The following MDGA2 variants were observed in gnomAD, a reference collection of about 807,000 sequenced individuals.
MDGA2 encodes MAM domain containing glycosylphosphatidylinositol anchor 2.
Under a neutral mutation model 117.8 loss-of-function variants are expected in MDGA2, and 40 were observed. That is an observed-to-expected ratio of 0.34 (90% CI 0.26 to 0.44). The LOEUF is 0.44. MDGA2 is among the 20% of genes least tolerant of loss of function. The pLI is 1.00. For missense variants in MDGA2, 1,123 were observed against 1,250.6 expected, an observed-to-expected ratio of 0.90 and a Z score of 1.54; for synonymous variants, 452 against 439.0, an observed-to-expected ratio of 1.03 and a Z score of -0.37.
At chr14:47,542,745 G>A (rs1478378881) in intron 1 of MDGA2, among the ~76,000 whole-genome samples, 1 of 152,068 alleles carries the variant, frequency 6.6e-6, no homozygotes, top group Non-Finnish European at 1.5e-5. Context: ...AAAAAATTTT[G>A]ACAAAACAAT....
chr14:47,299,824 T>C (rs1156920784), intron 2 of MDGA2, among the ~76,000 whole-genome samples: 1 of 152,210 alleles, frequency 6.6e-6, no homozygotes, highest in Non-Finnish European at 1.5e-5. Context: ...TTCTCTAAAT[T>C]TCATTATGAC....
At chr14:47,303,930 T>C (rs1425985573) in intron 1 of MDGA2, among the ~76,000 whole-genome samples, 1 of 152,172 alleles carries the variant, frequency 6.6e-6, no homozygotes, top group Admixed American at 6.5e-5. Context: ...CCACTTAAAT[T>C]ATACAGTAAG....
In MDGA2 at chr14:47,399,439, T is replaced by G. The variant is rs1427859866; in HGVS notation, c.281-97889A>C. ...GAGAATGAGGAATAATTGTCCAACA[T>G]CTGCTTCTGTATTCTCAAAATAACT... On this transcript the variant is annotated intron_variant, in intron 1 of 16. Transcript: ENST00000399232. Among the ~76,000 whole-genome samples, 3 of 152,322 alleles carry G rather than the reference T, an allele frequency of 2.0e-5. No individual in the cohort carries two copies. In the East Asian group the frequency reaches 5.8e-4, roughly 29 times the overall value.
intron 1 of MDGA2, among the ~76,000 whole-genome samples, chr14:47,444,910 G>A (rs1017409534): frequency 1.3e-5 from 2 of 152,068 alleles, no homozygotes; most frequent in African/African-American, 4.8e-5. Flanking sequence ...TAACCTAATT[G>A]AATAGTGACA....
chr14:47,143,552 T>C (rs1882813224), intron 4 of MDGA2, among the ~76,000 whole-genome samples: 1 of 152,208 alleles, frequency 6.6e-6, no homozygotes, highest in South Asian at 2.1e-4. Context: ...ACATTTTTAA[T>C]GACTCGTTAA....
intron 9 of MDGA2, among the ~76,000 whole-genome samples, chr14:46,950,214 A>G (rs1372276841): frequency 1.9e-4 from 29 of 151,876 alleles, no homozygotes; most frequent in Admixed American, 1.9e-3. Flanking sequence ...TTTTATTCCT[A>G]ATTTTTCAGA....
At chr14:47,015,306 G>C (rs1044790881) in intron 8 of MDGA2, among the ~76,000 whole-genome samples, 16 of 135,408 alleles carry the variant, frequency 1.2e-4, no homozygotes, top group African/African-American at 4.2e-4. Context: ...GAGACATAAA[G>C]TGAGCACATG....
chr14:47,671,415 A>T (rs1264725682), intron 1 of MDGA2, among the ~76,000 whole-genome samples: 1 of 152,202 alleles, frequency 6.6e-6, no homozygotes, highest in Non-Finnish European at 1.5e-5. Context: ...TCATGCTCAG[A>T]GTTTTTCAGT....
At chr14:47,595,113 C>T (rs1009495811) in intron 1 of MDGA2, among the ~76,000 whole-genome samples, 9 of 151,948 alleles carry the variant, frequency 5.9e-5, no homozygotes, top group Admixed American at 4.6e-4. Flanking sequence ...CTCTTATCCC[C>T]GAAAGAGACT....
At chr14:47,064,033 A>G (rs769830659) in intron 6 of MDGA2, among the ~76,000 whole-genome samples, 13 of 152,050 alleles carry the variant, frequency 8.5e-5, no homozygotes, top group Non-Finnish European at 1.6e-4. Context: ...TGAAATCAGT[A>G]TCTGTATTAT....
At chr14:47,496,743 A>G (rs1362797569) in intron 1 of MDGA2, among the ~76,000 whole-genome samples, 2 of 150,390 alleles carry the variant, frequency 1.3e-5, no homozygotes, top group African/African-American at 4.9e-5. Context: ...AATATGTATA[A>G]TATGCTCAGT....
chr14:47,447,910 T>C (rs1170832439), intron 1 of MDGA2, among the ~76,000 whole-genome samples: 5 of 152,098 alleles, frequency 3.3e-5, no homozygotes, highest in Non-Finnish European at 1.5e-5. Context: ...GAAATATGTA[T>C]TTGATCTTGG....
Position 47,237,868 on chromosome 14 carries a change from T to C in MDGA2, c.421-19673A>G, listed in dbSNP as rs146747985. On this transcript the variant is annotated intron_variant, in intron 2 of 16. Transcript: ENST00000399232. ...CCTTCCATTCTTGACCCCTCTAATC[T>C]ATGTCCCAAATTGCAGCCAGAGTGA... 3.3e-3 allele frequency among the ~76,000 whole-genome samples: 510 copies of C among 152,264 alleles called. 3 individuals carry two copies. Among genetic ancestry groups the C allele is most frequent in the African/African-American group, 0.012 (481 of 41,572 alleles).
chr14:47,176,918 T>A (rs867360184), intron 3 of MDGA2, among the ~76,000 whole-genome samples: 14 of 152,290 alleles, frequency 9.2e-5, no homozygotes, highest in Middle Eastern at 6.8e-3. Flanking sequence ...AAAGGGCTAA[T>A]GTCCAGAATC....
At chr14:46,993,359 T>C (rs765630956) in intron 8 of MDGA2, among the ~76,000 whole-genome samples, 4 of 152,152 alleles carry the variant, frequency 2.6e-5, no homozygotes, top group African/African-American at 9.7e-5. Flanking sequence ...CAATTGTTCA[T>C]AATTAATAAC....
intron 3 of MDGA2, chr14:47,201,018 C>T (rs972300770): frequency 5.9e-6 from 6 of 1,016,202 alleles, no homozygotes; most frequent in African/African-American, 3.2e-5. Flanking sequence ...CTTTCCTGCC[C>T]AGCAGTACCT....
intron 4 of MDGA2, among the ~76,000 whole-genome samples, chr14:47,139,869 TATAC>T (rs1443096340): frequency 2.9e-4 from 38 of 131,462 alleles, no homozygotes; most frequent in Non-Finnish European, 4.0e-4. Context: ...CATATATATA[TATAC>T]ACACACACAC....
intron 1 of MDGA2, among the ~76,000 whole-genome samples, chr14:47,368,950 C>G (rs1391403496): frequency 6.6e-6 from 1 of 152,032 alleles, no homozygotes; most frequent in African/African-American, 2.4e-5. Context: ...ATTTTAAATA[C>G]TTATTACTTC....
chr14:47,250,893 C>A (rs928125465), intron 2 of MDGA2, among the ~76,000 whole-genome samples: 2 of 152,192 alleles, frequency 1.3e-5, no homozygotes, highest in Admixed American at 6.5e-5. Flanking sequence ...TCATCTGAAT[C>A]TGGGAGGAGC....
Sources: allele counts gnomAD v4.1 joint callset (sites outside exome capture counted in the v4.1 genomes callset), GRCh38; gene constraint gnomAD v4.1.1; transcripts MANE v1.5; gene names NCBI Gene and HGNC (gene_info 2026-07-23, HGNC 2026-07-21).